The following GRIN2B variants were observed in gnomAD, a reference collection of about 807,000 sequenced individuals.
The protein encoded by GRIN2B is glutamate receptor ionotropic, NMDA 2B.
In GRIN2B, 5 loss-of-function variants were observed where a neutral mutation model predicts 114.5. The observed-to-expected ratio is 0.04, with a 90% CI of 0.02 to 0.09. The LOEUF (loss-of-function observed/expected upper bound fraction) is 0.09. Ranked by LOEUF, GRIN2B falls within the 10% of genes least tolerant of loss-of-function variation. The pLI, the probability that GRIN2B is intolerant of heterozygous loss-of-function variation, is 1.00. For missense variants in GRIN2B, 1,108 were observed against 1,943.5 expected (o/e 0.57, Z 8.08); for synonymous variants, 787 against 745.1 (o/e 1.06, Z -0.92).
At chr12:13,570,912 A>C (rs1196691445) in intron 11 of GRIN2B, among the ~76,000 whole-genome samples, 1 of 152,308 alleles carries the variant, frequency 6.6e-6, no homozygotes, top group Non-Finnish European at 1.5e-5. Context: ...AACACCAAAA[A>C]ACCAAATCCC....
chr12:13,976,406 G>A (rs935767705), intron 2 of GRIN2B, among the ~76,000 whole-genome samples: 2 of 152,132 alleles, frequency 1.3e-5, no homozygotes, highest in Admixed American at 6.5e-5. Flanking sequence ...CTAAGGATGG[G>A]GTAGAATGGC....
rs61525874 is a variant in GRIN2B at position 13,954,811 on chromosome 12, G to GAAAAAAAAAA, written c.-19+25107_-19+25116dup. Among the ~76,000 whole-genome samples, 226 of 25,524 alleles carry GAAAAAAAAAA rather than the reference G, an allele frequency of 8.9e-3. 23 individuals carry two copies. Among genetic ancestry groups the GAAAAAAAAAA allele is most frequent in the African/African-American group, 0.021 (194 of 9,050 alleles). 16.7% of individuals were successfully genotyped at this position (25,524 alleles called of 152,430 possible). On this transcript the variant is annotated intron_variant, in intron 2 of 13. Coordinates refer to ENST00000609686, the MANE Select transcript of GRIN2B (RefSeq NM_000834.5). ...GTGACAGAGTGAGACTCCGTCTCAGGAAAAAAAAAAAAAAAAAACTTTTTC... is the reference window on the plus strand; with the variant it reads ...GTGACAGAGTGAGACTCCGTCTCAGGAAAAAAAAAAAAAAAAAAAAAAAAAAAACTTTTTC...
At chr12:13,697,142 C>T (rs1450688655) in intron 4 of GRIN2B, among the ~76,000 whole-genome samples, 3 of 152,046 alleles carry the variant, frequency 2.0e-5, no homozygotes, top group Non-Finnish European at 4.4e-5. Flanking sequence ...AGACAAATCA[C>T]CCAGCAAGTT....
chr12:13,942,702 T>C (rs1437666976), intron 2 of GRIN2B, among the ~76,000 whole-genome samples: 2 of 152,176 alleles, frequency 1.3e-5, no homozygotes, highest in African/African-American at 2.4e-5. Context: ...AAACTACTAA[T>C]GTATATAAAT....
In GRIN2B at chr12:13,781,964, G is replaced by A. The variant is rs118155369; in HGVS notation, c.412-28049C>T. ...AAATTGAGTCAGTTCTGTCTGACAT[G>A]ATAACATGAATGTGAGGTCATTACA... is the stretch of plus-strand genomic sequence containing the variant. On this transcript the variant is annotated intron_variant, in intron 3 of 13. Transcript: ENST00000609686. Among the ~76,000 whole-genome samples the A allele has an allele frequency of 4.5e-4, 69 of 152,270 alleles. No homozygotes were observed. The East Asian group carries it at 0.012, about 26-fold the overall frequency.
chr12:13,759,598 T>C (rs2136635365), intron 3 of GRIN2B, among the ~76,000 whole-genome samples: 1 of 152,268 alleles, frequency 6.6e-6, no homozygotes, highest in South Asian at 2.1e-4. Flanking sequence ...AAAAGGCAGG[T>C]GACTTTGATA....
intron 4 of GRIN2B, among the ~76,000 whole-genome samples, chr12:13,707,421 A>G (rs1465450842): frequency 6.6e-6 from 1 of 152,182 alleles, no homozygotes; most frequent in Admixed American, 6.5e-5. Context: ...CCTGAACTCA[A>G]TAGCTAAATG....
At chr12:13,723,147 T>G (rs78565427) in intron 4 of GRIN2B, among the ~76,000 whole-genome samples, 1 of 152,008 alleles carries the variant, frequency 6.6e-6, no homozygotes, top group Non-Finnish European at 1.5e-5. Flanking sequence ...TTTTTTGTTT[T>G]TTATTATTAT....
In GRIN2B at chr12:13,981,497, G is replaced by A. The variant is rs1863138436; in HGVS notation, c.-603C>T. On this transcript the variant is annotated 5_prime_UTR_variant, in exon 1 of 14. Coordinates refer to ENST00000609686, the MANE Select transcript of GRIN2B (RefSeq NM_000834.5). ...TTGCAAGGCAAAAGGATATGCATTC[G>A]GACGCCAGCACTACTGGATGGTGGT... The A allele has an allele frequency of 6.6e-6, 1 of 152,168 alleles. No homozygotes were observed. Among genetic ancestry groups the A allele is most frequent in the Admixed American group, 6.5e-5 (1 of 15,274 alleles). The allele number at this position is 152,168 out of a possible 1,614,324, so 9.4% of individuals were successfully genotyped here.
At chr12:13,826,487 T>C (rs1379956719) in intron 3 of GRIN2B, among the ~76,000 whole-genome samples, 1 of 151,980 alleles carries the variant, frequency 6.6e-6, no homozygotes, top group Non-Finnish European at 1.5e-5. Flanking sequence ...AAATAAATAA[T>C]ATTTTGCCAC....
intron 4 of GRIN2B, among the ~76,000 whole-genome samples, chr12:13,676,361 T>G (rs895741665): frequency 1.3e-5 from 2 of 152,044 alleles, no homozygotes; most frequent in Non-Finnish European, 2.9e-5. Context: ...AAAATAAAAA[T>G]TTTTAAAAAG....
intron 4 of GRIN2B, among the ~76,000 whole-genome samples, chr12:13,740,857 C>G (rs180885932): frequency 1.3e-5 from 2 of 152,012 alleles, no homozygotes; most frequent in South Asian, 4.2e-4. Context: ...TCAGCAAGAT[C>G]AGAGCAAGAC....
At chr12:13,709,014 A>T (rs1229556735) in intron 4 of GRIN2B, among the ~76,000 whole-genome samples, 1 of 152,100 alleles carries the variant, frequency 6.6e-6, no homozygotes, top group Non-Finnish European at 1.5e-5. Context: ...CTTGTGAAGT[A>T]TGTCTTCAAA....
chr12:13,907,178 T>C (rs781228662), intron 2 of GRIN2B, among the ~76,000 whole-genome samples: 18 of 152,132 alleles, frequency 1.2e-4, no homozygotes, highest in Non-Finnish European at 2.2e-4. Context: ...AAGAATCTCA[T>C]AGGTAAGATG....
chr12:13,958,293 T>G (rs1867627829), intron 2 of GRIN2B, among the ~76,000 whole-genome samples: 1 of 151,702 alleles, frequency 6.6e-6, no homozygotes, highest in African/African-American at 2.4e-5. Flanking sequence ...GGCAACAGGG[T>G]TCAATGGAAA....
chr12:13,657,848 A>G (rs1565491018), intron 5 of GRIN2B, among the ~76,000 whole-genome samples: 1 of 152,238 alleles, frequency 6.6e-6, no homozygotes, highest in Non-Finnish European at 1.5e-5. Context: ...GTGATTATAG[A>G]TTATAAAACA....
At chr12:13,843,229 T>C (rs925303926) in intron 3 of GRIN2B, among the ~76,000 whole-genome samples, 36 of 149,330 alleles carry the variant, frequency 2.4e-4, no homozygotes, top group African/African-American at 8.1e-4. Flanking sequence ...CCCATACACA[T>C]CACACACACA....
intron 4 of GRIN2B, among the ~76,000 whole-genome samples, chr12:13,702,534 G>C (rs1950322339): frequency 6.6e-6 from 1 of 152,160 alleles, no homozygotes; most frequent in Non-Finnish European, 1.5e-5. Context: ...ACTAAACCAG[G>C]AAGCACAGCT....
At chr12:13,881,766 A>G (rs1010189983) in intron 2 of GRIN2B, among the ~76,000 whole-genome samples, 3 of 152,136 alleles carry the variant, frequency 2.0e-5, no homozygotes, top group African/African-American at 7.2e-5. Flanking sequence ...ACATCAAAAT[A>G]TCTCCATTAG....
Sources: gnomAD v4.1 joint callset for allele counts (sites outside exome capture counted in the v4.1 genomes callset) on GRCh38, gnomAD v4.1.1 for gene constraint, MANE v1.5 for transcripts, NCBI Gene and HGNC (gene_info 2026-07-23, HGNC 2026-07-21) for gene names.